MOSMO: variants seen among roughly 807,000 people sequenced by gnomAD.
MOSMO encodes the protein modulator of smoothened protein.
MOSMO carries 5 observed loss-of-function variants against 18.4 expected under a neutral mutation model. The observed-to-expected ratio is 0.27, with a 90% confidence interval of 0.14 to 0.57. MOSMO has a LOEUF of 0.57. Ranked by LOEUF, MOSMO falls within the 20% of genes least tolerant of loss-of-function variation. The probability of loss-of-function intolerance (pLI) is 0.92; values close to 1 mark genes in which losing one functional copy is unlikely to be tolerated. For synonymous variants in MOSMO, 82 were observed against 82.3 expected, an observed-to-expected ratio of 1.00 and a Z score of 0.02; for missense variants, 138 against 211.8, an observed-to-expected ratio of 0.65 and a Z score of 2.16.
intron 1 of MOSMO, among the ~76,000 whole-genome samples, chr16:22,058,295 G>A (rs539355742): frequency 3.3e-5 from 5 of 151,940 alleles, no homozygotes; most frequent in South Asian, 2.1e-4. Flanking sequence ...GCGTGATGGC[G>A]TGCTCCTGTA....
chr16:22,020,100 C>A (rs1350429154), intron 1 of MOSMO, among the ~76,000 whole-genome samples: 1 of 150,684 alleles, frequency 6.6e-6, no homozygotes, highest in African/African-American at 2.4e-5. Flanking sequence ...GTAATCCCAG[C>A]TACTCAGGAG....
intron 2 of MOSMO, chr16:22,076,504 A>C (rs1267646241): frequency 6.6e-6 from 1 of 152,214 alleles, no homozygotes; most frequent in Non-Finnish European, 1.5e-5. Flanking sequence ...CCCACAACAA[A>C]GAATTATCTG....
At chr16:22,032,862 A>G (rs1362760521) in intron 1 of MOSMO, among the ~76,000 whole-genome samples, 1 of 152,086 alleles carries the variant, frequency 6.6e-6, no homozygotes, top group Admixed American at 6.6e-5. Flanking sequence ...TTAATTTTAT[A>G]TATGGTGTGG....
At chr16:22,064,825 C>A (rs1900719079) in intron 1 of MOSMO, among the ~76,000 whole-genome samples, 1 of 152,156 alleles carries the variant, frequency 6.6e-6, no homozygotes, top group Non-Finnish European at 1.5e-5. Context: ...CCCCTCTCCC[C>A]ACGTCACCTC....
At chr16:22,018,102 AT>A (rs1404003756) in intron 1 of MOSMO, among the ~76,000 whole-genome samples, 3 of 152,158 alleles carry the variant, frequency 2.0e-5, no homozygotes, top group African/African-American at 7.2e-5. Flanking sequence ...TTTGCTATAA[AT>A]AAAATATCAC....
chr16:22,029,278 T>C (rs1899946521), intron 1 of MOSMO, among the ~76,000 whole-genome samples: 1 of 152,246 alleles, frequency 6.6e-6, no homozygotes, highest in Non-Finnish European at 1.5e-5. Context: ...GGCTGTTAGA[T>C]ACATGTATGA....
At chr16:22,019,528 G>C (rs1193638102) in intron 1 of MOSMO, among the ~76,000 whole-genome samples, 1 of 152,132 alleles carries the variant, frequency 6.6e-6, no homozygotes, top group Non-Finnish European at 1.5e-5. Context: ...CTATTTTCTA[G>C]TATAATTTTT....
intron 1 of MOSMO, among the ~76,000 whole-genome samples, chr16:22,016,484 G>A (rs997663278): frequency 6.6e-6 from 1 of 152,152 alleles, no homozygotes; most frequent in African/African-American, 2.4e-5. Flanking sequence ...GAATGTTCGT[G>A]AACCCAGCTG....
In MOSMO at chr16:22,080,909, A is replaced by T; in HGVS notation, c.*29A>T. ...ATGTCTAAATTGCTTGACTCTTATT[A>T]TTTTTTATTTTATTTTATTTTTTTA... On this transcript the variant is annotated 3_prime_UTR_variant, in exon 3 of 3. Coordinates refer to ENST00000542527, the MANE Select transcript of MOSMO (RefSeq NM_001164579.2). 2 of 1,116,380 alleles carry T rather than the reference A, an allele frequency of 1.8e-6. No individual in the cohort carries two copies. Among genetic ancestry groups the T allele is most frequent in the Non-Finnish European group, 2.3e-6 (2 of 857,752 alleles). 69.2% of individuals were successfully genotyped at this position (1,116,380 alleles called of 1,614,324 possible).
chr16:22,035,390 G>A (rs1288498822), intron 1 of MOSMO, among the ~76,000 whole-genome samples: 1 of 148,376 alleles, frequency 6.7e-6, no homozygotes, highest in Non-Finnish European at 1.5e-5. Flanking sequence ...CCAGAAGCAG[G>A]AGGGGATTTT....
chr16:22,057,417 A>G (rs985093845), intron 1 of MOSMO, among the ~76,000 whole-genome samples: 1 of 152,240 alleles, frequency 6.6e-6, no homozygotes. Flanking sequence ...ATAAGAGTGG[A>G]GTCCTCATGA....
intron 1 of MOSMO, among the ~76,000 whole-genome samples, chr16:22,016,818 G>T (rs1567498859): frequency 6.6e-6 from 1 of 152,118 alleles, no homozygotes; most frequent in African/African-American, 2.4e-5. Flanking sequence ...CAATAGTTAT[G>T]CAGGTTTAGA....
chr16:22,052,405 G>C (rs1454766160), intron 1 of MOSMO, among the ~76,000 whole-genome samples: 1 of 152,120 alleles, frequency 6.6e-6, no homozygotes. Flanking sequence ...ATACACTGCT[G>C]GGAGAAAAGT....
chr16:22,040,562 A>G (rs1217683142), intron 1 of MOSMO, among the ~76,000 whole-genome samples: 1 of 152,206 alleles, frequency 6.6e-6, no homozygotes, highest in East Asian at 1.9e-4. Flanking sequence ...ATAACTTTTT[A>G]TGACCAGATT....
intron 1 of MOSMO, among the ~76,000 whole-genome samples, chr16:22,038,351 A>G (rs1023497898): frequency 3.3e-5 from 5 of 152,332 alleles, no homozygotes; most frequent in African/African-American, 1.2e-4. Context: ...TGCCTGTGCA[A>G]GGGATAGTGA....
chr16:22,043,254 G>C (rs937342008), intron 1 of MOSMO, among the ~76,000 whole-genome samples: 1 of 152,176 alleles, frequency 6.6e-6, no homozygotes, highest in African/African-American at 2.4e-5. Flanking sequence ...GGACAGATAA[G>C]CATTATGAAT....
rs1901078521 is a variant in MOSMO, at chr16:22,081,420, C to T, written c.*540C>T. ...AATGGATTGCCGTTGCATTACTGCA[C>T]CAAGAAGCCAATAGATCAAAACTTG... is the stretch of plus-strand genomic sequence containing the variant. On this transcript the variant is annotated 3_prime_UTR_variant, in exon 3 of 3. Transcript: ENST00000542527. The T allele has an allele frequency of 6.7e-6, 1 of 149,060 alleles. No homozygotes were observed. The highest frequency in any genetic ancestry group is 2.1e-4 in the South Asian group (1 of 4,760). 9.2% of individuals were successfully genotyped at this position (149,060 alleles called of 1,614,324 possible). A position where few individuals can be genotyped will look rare whatever the true frequency, so the allele number is the denominator to read the frequency against.
In MOSMO at chr16:22,075,655, GAAGAGA is replaced by G. The variant is rs1160424352; in HGVS notation, c.277_282del (p.Arg93_Glu94del). Reference sequence around the variant, plus strand: ...GGTTTGCTGGTGGCTTCCCACTGGCGAAGAGAAGCTACAAAATATGCTCGATGGATA... The same window carrying G: ...GGTTTGCTGGTGGCTTCCCACTGGCGAGCTACAAAATATGCTCGATGGATA... On this transcript the variant is annotated inframe_deletion, in exon 2 of 3. Coordinates refer to ENST00000542527, the MANE Select transcript of MOSMO (RefSeq NM_001164579.2). The G allele has an allele frequency of 6.5e-7, 1 of 1,537,210 alleles. No homozygotes were observed. The highest frequency in any genetic ancestry group is 1.4e-5 in the African/African-American group (1 of 73,060).
rs555472585 is a variant in MOSMO, at chr16:22,082,490, TGA to T, written c.*1611_*1612del. On this transcript the variant is annotated 3_prime_UTR_variant, in exon 3 of 3. Transcript: ENST00000542527. Reference sequence around the variant, plus strand: ...GTTTCTCCTCTTTATAGTGAACTGGTGACCCAAATGTCCCTGTCATTTATAGT... The same window carrying T: ...GTTTCTCCTCTTTATAGTGAACTGGTCCCAAATGTCCCTGTCATTTATAGT... The T allele has an allele frequency of 7.6e-4, 116 of 152,278 alleles. No individual in the cohort carries two copies. Among genetic ancestry groups the T allele is most frequent in the African/African-American group, 2.5e-3 (102 of 41,554 alleles). The allele number at this position is 152,278 out of a possible 1,614,324, so 9.4% of individuals were successfully genotyped here.
Sources: gnomAD v4.1 joint callset for allele counts (sites outside exome capture counted in the v4.1 genomes callset) on GRCh38, gnomAD v4.1.1 for gene constraint, MANE v1.5 for transcripts, NCBI Gene and HGNC (gene_info 2026-07-23, HGNC 2026-07-21) for gene names.